CREBL2: variants seen among roughly 807,000 people sequenced by gnomAD.
The protein encoded by CREBL2 is cAMP responsive element binding protein like 2, also known as cAMP-responsive element-binding protein-like 2.
In CREBL2, 4 loss-of-function variants were observed where a neutral mutation model predicts 19.5. The ratio of observed to expected loss-of-function variants is 0.20; its 90% CI spans 0.10 to 0.47. CREBL2 has a LOEUF of 0.47. Among genes scored for constraint, CREBL2 ranks in the 20% least tolerant of loss-of-function variants. The probability of loss-of-function intolerance (pLI) is 0.98; values close to 1 mark genes in which losing one functional copy is unlikely to be tolerated. For missense variants in CREBL2, 85 were observed against 145.1 expected, an observed-to-expected ratio of 0.59 and a Z score of 2.13; for synonymous variants, 42 against 46.6, an observed-to-expected ratio of 0.90 and a Z score of 0.40.
intron 1 of CREBL2, among the ~76,000 whole-genome samples, chr12:12,630,497 C>A (rs1249771756): frequency 1.3e-5 from 2 of 151,932 alleles, no homozygotes; most frequent in Non-Finnish European, 1.5e-5. Context: ...CTCTAATGGT[C>A]CGTCTAGCTA....
chr12:12,631,498 G>A (rs1296484838), intron 1 of CREBL2, among the ~76,000 whole-genome samples: 1 of 152,236 alleles, frequency 6.6e-6, no homozygotes, highest in Non-Finnish European at 1.5e-5. Flanking sequence ...GTTTATGTCG[G>A]TACATGAAAG....
At position 12,635,789 on chromosome 12, in the gene CREBL2, A is replaced by G. The variant is rs1319579603; in HGVS notation, c.28A>G (p.Lys10Glu). The G allele has an allele frequency of 6.2e-7, 1 of 1,611,110 alleles. No individual in the cohort carries two copies. Among genetic ancestry groups the G allele is most frequent in the Admixed American group, 1.7e-5 (1 of 59,390 alleles). Residue 10 changes from lysine to glutamate, a missense_variant, in exon 2 of 4, where the codon AAA becomes GAA. Around this residue, in one of 5 missense-constraint regions of CREBL2, gnomAD observed 16 missense variants for 17.0 expected, o/e 0.94. Coordinates refer to ENST00000228865, the MANE Select transcript of CREBL2 (RefSeq NM_001310.4). Reference protein sequence around the residue: MDDSKVVGGKVKKPGKRGRK... With the variant: MDDSKVVGGEVKKPGKRGRK... ...TCGCTTGCTGAAGGTGGTTGGAGGC[A>G]AAGTAAAGAAGCCCGGTAAACGTGG...
intron 1 of CREBL2, among the ~76,000 whole-genome samples, chr12:12,627,187 A>G (rs1945408239): frequency 6.6e-6 from 1 of 152,234 alleles, no homozygotes; most frequent in African/African-American, 2.4e-5. Flanking sequence ...TCAGTTACTA[A>G]TAATAAATCA....
chr12:12,641,253 A>ATTATTATTTTTTTTTTTTTTTTTTTT (rs1478394376), intron 3 of CREBL2, among the ~76,000 whole-genome samples: 1 of 78,260 alleles, frequency 1.3e-5, no homozygotes, highest in African/African-American at 4.8e-5. Flanking sequence ...TATTATTATT[A>ATTATTATTTTTTTTTTTTTTTTTTTT]TTTTTTTTTA....
chr12:12,613,421 T>G (rs1436736121), intron 1 of CREBL2, among the ~76,000 whole-genome samples: 1 of 152,136 alleles, frequency 6.6e-6, no homozygotes, highest in Admixed American at 6.5e-5. Context: ...TTTGGGTGTC[T>G]TTTTTTGCTG....
chr12:12,619,793 G>A (rs1017364615), intron 1 of CREBL2, among the ~76,000 whole-genome samples: 6 of 152,190 alleles, frequency 3.9e-5, no homozygotes, highest in Non-Finnish European at 8.8e-5. Flanking sequence ...CCAGTTGAGG[G>A]ACTGATGCAG....
In CREBL2 at chr12:12,637,694, C is replaced by G. The variant is rs1945485583; in HGVS notation, c.338C>G (p.Thr113Arg). The G allele has an allele frequency of 2.5e-6, 4 of 1,612,100 alleles. No homozygotes were observed. Among genetic ancestry groups the G allele is most frequent in the Non-Finnish European group, 3.4e-6 (4 of 1,179,272 alleles). Residue 113 changes from threonine (T) to arginine (R), a missense_variant, in exon 3 of 4, where the codon ACA becomes AGA. Coordinates refer to ENST00000228865, the MANE Select transcript of CREBL2 (RefSeq NM_001310.4). The stretch of plus-strand genomic sequence containing the variant: ...AGCAGGCATACCAAGGCTGGGAAGA[C>G]AGATGCTAATAGCAATTCCTGTAAG... ...NSSRHTKAGKTDANSNSW is the reference protein window; with the variant it reads ...NSSRHTKAGKRDANSNSW
chr12:12,642,383 T>C lies in CREBL2; in HGVS notation c.*385T>C, dbSNP rs78028472. ...TGTAATTGTATGTCTGTGTGTGTTT[T>C]ATGTGTCACCACCTTTCATGTTTTT... On this transcript the variant is annotated 3_prime_UTR_variant, in exon 4 of 4. Transcript: ENST00000228865. 2.4e-4 allele frequency: 39 copies of C among 162,456 alleles called. No homozygotes were observed. In the East Asian group the frequency reaches 5.9e-3, roughly 25 times the overall value. The allele number at this position is 162,456 out of a possible 1,614,324, so 10.1% of individuals were successfully genotyped here.
At chr12:12,619,907 C>T (rs552328216) in intron 1 of CREBL2, among the ~76,000 whole-genome samples, 3 of 152,200 alleles carry the variant, frequency 2.0e-5, no homozygotes, top group African/African-American at 7.2e-5. Context: ...AATGAGGTTT[C>T]TTACACTTTC....
At position 12,612,108 on chromosome 12, in the gene CREBL2, A is replaced by G. The variant is rs1033943022; in HGVS notation, c.-65A>G. On this transcript the variant is annotated 5_prime_UTR_variant, in exon 1 of 4. Coordinates refer to ENST00000228865, the MANE Select transcript of CREBL2 (RefSeq NM_001310.4). ...TCTTCCTCGGGGCGGGGGCCGGGCC[A>G]GGCCGGCTGAGCCGGGGGAGGGCTC... 6 of 1,595,744 alleles carry G rather than the reference A, an allele frequency of 3.8e-6. No individual in the cohort carries two copies. In the African/African-American group the frequency reaches 8.0e-5, roughly 21 times the overall value.
intron 1 of CREBL2, among the ~76,000 whole-genome samples, chr12:12,634,874 A>G (rs1174929385): frequency 1.3e-5 from 2 of 152,020 alleles, no homozygotes; most frequent in East Asian, 3.9e-4. Context: ...TGGTCAACAT[A>G]GCAAGACACC....
intron 1 of CREBL2, among the ~76,000 whole-genome samples, chr12:12,619,830 T>C (rs1945346851): frequency 6.6e-6 from 1 of 152,192 alleles, no homozygotes; most frequent in South Asian, 2.1e-4. Context: ...GGCTGCAGCA[T>C]GCCAATGTGA....
chr12:12,627,720 C>T (rs1945413239), intron 1 of CREBL2, among the ~76,000 whole-genome samples: 1 of 152,104 alleles, frequency 6.6e-6, no homozygotes, highest in Non-Finnish European at 1.5e-5. Context: ...CTATGTTTTC[C>T]TTTCTTTTTG....
intron 2 of CREBL2, among the ~76,000 whole-genome samples, chr12:12,636,692 A>AT (rs1323345440): frequency 2.0e-5 from 3 of 152,222 alleles, no homozygotes; most frequent in Non-Finnish European, 4.4e-5. Flanking sequence ...AAGTGCTGGG[A>AT]TTACAGGCAT....
intron 1 of CREBL2, 81 bp downstream of exon 1, chr12:12,612,268 C>T: frequency 2.5e-6 from 4 of 1,609,288 alleles, no homozygotes; most frequent in Non-Finnish European, 1.7e-6. Context: ...CTATGTAGTC[C>T]ACGCCAACAC....
chr12:12,624,056 G>A (rs761482349), intron 1 of CREBL2, among the ~76,000 whole-genome samples: 5 of 152,152 alleles, frequency 3.3e-5, no homozygotes, highest in Non-Finnish European at 7.4e-5. Context: ...TGGACTTCCA[G>A]AGCCAGAGAA....
chr12:12,612,156 C>G lies in CREBL2; in HGVS notation c.-17C>G. ...CTCCGGGAGGGAGTGCCTGGCCAGGCCGGCCTGTCTGCCGCGATGGATGAC... is the reference window on the plus strand; with the variant it reads ...CTCCGGGAGGGAGTGCCTGGCCAGGGCGGCCTGTCTGCCGCGATGGATGAC... On this transcript the variant is annotated 5_prime_UTR_variant, in exon 1 of 4. Coordinates refer to ENST00000228865, the MANE Select transcript of CREBL2 (RefSeq NM_001310.4). The G allele has an allele frequency of 6.2e-7, 1 of 1,611,892 alleles. No individual in the cohort carries two copies. The highest frequency in any genetic ancestry group is 2.2e-5 in the East Asian group (1 of 44,882).
chr12:12,641,253 A>ATTATTATTTTTTTTT (rs1478394376), intron 3 of CREBL2, among the ~76,000 whole-genome samples: 1 of 78,262 alleles, frequency 1.3e-5, no homozygotes, highest in Non-Finnish European at 2.5e-5. Context: ...TATTATTATT[A>ATTATTATTTTTTTTT]TTTTTTTTTA....
At chr12:12,613,774 C>T (rs1945285532) in intron 1 of CREBL2, among the ~76,000 whole-genome samples, 1 of 152,044 alleles carries the variant, frequency 6.6e-6, no homozygotes, top group South Asian at 2.1e-4. Context: ...TGTTTGTTTA[C>T]AACAATGCAA....
Sources: gnomAD v4.1 joint callset for allele counts (sites outside exome capture counted in the v4.1 genomes callset) on GRCh38, gnomAD v4.1.1 for gene constraint, gnomAD v4.1.1 regional missense constraint, MANE v1.5 for transcripts, NCBI Gene and HGNC (gene_info 2026-07-23, HGNC 2026-07-21) for gene names.